The following PTPRD variants were observed in gnomAD, a reference collection of about 807,000 sequenced individuals.
PTPRD encodes the protein receptor-type tyrosine-protein phosphatase delta.
PTPRD carries 34 observed loss-of-function variants against 214.5 expected under a neutral mutation model. That is an observed-to-expected ratio of 0.16 (90% confidence interval 0.12 to 0.21). The LOEUF (loss-of-function observed/expected upper bound fraction) is 0.21. Ranked by LOEUF, PTPRD falls within the 10% of genes least tolerant of loss-of-function variation. The pLI is 1.00. For missense variants in PTPRD, 2,545 were observed against 2,398.7 expected (o/e 1.06, Z -1.27); for synonymous variants, 1,128 against 845.7 (o/e 1.33, Z -5.79).
chr9:9,750,293 A>G (rs2098504006), intron 6 of PTPRD, among the ~76,000 whole-genome samples: 1 of 152,196 alleles, frequency 6.6e-6, no homozygotes, highest in Non-Finnish European at 1.5e-5. Flanking sequence ...ACAGATTTTA[A>G]AAACTGTCTT....
At chr9:9,592,034 T>A (rs2092783921) in intron 7 of PTPRD, among the ~76,000 whole-genome samples, 1 of 152,102 alleles carries the variant, frequency 6.6e-6, no homozygotes, top group Non-Finnish European at 1.5e-5. Flanking sequence ...ATTTTTTATG[T>A]CTGATAACTT....
intron 6 of PTPRD, among the ~76,000 whole-genome samples, chr9:9,756,983 GT>G (rs2098592721): frequency 6.6e-6 from 1 of 152,100 alleles, no homozygotes; most frequent in African/African-American, 2.4e-5. Context: ...ACAAGAATGT[GT>G]TTCATAAAAT....
chr9:10,077,955 A>G (rs1318235818), intron 3 of PTPRD, among the ~76,000 whole-genome samples: 1 of 151,968 alleles, frequency 6.6e-6, no homozygotes, highest in Non-Finnish European at 1.5e-5. Context: ...TAACTTGTGG[A>G]CACCACATTC....
intron 9 of PTPRD, among the ~76,000 whole-genome samples, chr9:9,299,164 T>G (rs1954280672): frequency 6.6e-6 from 1 of 151,726 alleles, no homozygotes; most frequent in Admixed American, 6.6e-5. Context: ...AATAGCAAAT[T>G]GATTGATCAC....
intron 3 of PTPRD, among the ~76,000 whole-genome samples, chr9:10,067,651 G>C (rs1398163992): frequency 6.6e-6 from 1 of 151,840 alleles, no homozygotes; most frequent in South Asian, 2.1e-4. Context: ...TACAGGCAAA[G>C]AAGGGTAGGT....
At chr9:10,008,030 G>C (rs940416903) in intron 4 of PTPRD, among the ~76,000 whole-genome samples, 2 of 151,986 alleles carry the variant, frequency 1.3e-5, no homozygotes, top group African/African-American at 4.8e-5. Context: ...GCTATAATTT[G>C]AGGAAATATT....
At chr9:10,238,877 G>A (rs2099637620) in intron 3 of PTPRD, among the ~76,000 whole-genome samples, 1 of 151,856 alleles carries the variant, frequency 6.6e-6, no homozygotes, top group South Asian at 2.1e-4. Context: ...CTACTTCCTA[G>A]GGGAGATTTT....
chr9:8,532,760 A>G (rs769482590), intron 14 of PTPRD, among the ~76,000 whole-genome samples: 3 of 152,016 alleles, frequency 2.0e-5, no homozygotes, highest in East Asian at 3.9e-4. Flanking sequence ...AGATTACTAC[A>G]TACTTGTGCT....
At chr9:10,512,508 G>T (rs896907823) in intron 2 of PTPRD, among the ~76,000 whole-genome samples, 6 of 152,150 alleles carry the variant, frequency 3.9e-5, no homozygotes, top group Non-Finnish European at 8.8e-5. Flanking sequence ...GCGGTGGTGG[G>T]TTGGGGGGAA....
intron 2 of PTPRD, among the ~76,000 whole-genome samples, chr9:10,459,882 A>C (rs73390368): frequency 0.022 from 3,345 of 151,984 alleles, 102 homozygotes; most frequent in African/African-American, 0.068. Flanking sequence ...TTAAGAAAAG[A>C]AATTTAATAG....
chr9:9,319,470 G>T (rs572398136), intron 9 of PTPRD, among the ~76,000 whole-genome samples: 1 of 152,318 alleles, frequency 6.6e-6, no homozygotes, highest in East Asian at 1.9e-4. Flanking sequence ...AACATTTTGT[G>T]CCAAAGTGAC....
intron 2 of PTPRD, among the ~76,000 whole-genome samples, chr9:10,544,773 T>G (rs1169835047): frequency 6.6e-6 from 1 of 152,198 alleles, no homozygotes; most frequent in African/African-American, 2.4e-5. Flanking sequence ...GCCAAAGTCT[T>G]GAGTATATTT....
chr9:8,777,190 G>C (rs974603891), intron 11 of PTPRD, among the ~76,000 whole-genome samples: 4 of 151,884 alleles, frequency 2.6e-5, no homozygotes, highest in Non-Finnish European at 4.4e-5. Flanking sequence ...ATGTTGCCCA[G>C]GCTGATCTTG....
Position 8,870,687 on chromosome 9 carries a change from A to AACACACACACACACAC in PTPRD, c.-103-136757_-103-136742dup, listed in dbSNP as rs3046878. ...ACAGGGTTATAAGACACAGACATGA[A>AACACACACACACACAC]ACACACACACACACACACACACACA... On this transcript the variant is annotated intron_variant, in intron 11 of 45. Coordinates refer to ENST00000381196, the MANE Select transcript of PTPRD (RefSeq NM_002839.4). Among the ~76,000 whole-genome samples the AACACACACACACACAC allele has an allele frequency of 2.9e-3, 377 of 131,456 alleles. 5 individuals carry two copies. Among genetic ancestry groups the AACACACACACACACAC allele is most frequent in the Middle Eastern group, 8.7e-3 (2 of 230 alleles). 86.2% of individuals were successfully genotyped at this position (131,456 alleles called of 152,430 possible). A position where few individuals can be genotyped will look rare whatever the true frequency, so the allele number is the denominator to read the frequency against.
intron 7 of PTPRD, among the ~76,000 whole-genome samples, chr9:9,603,140 A>G (rs1391568949): frequency 6.6e-6 from 1 of 152,142 alleles, no homozygotes; most frequent in East Asian, 1.9e-4. Context: ...GCAATGCATA[A>G]GTGAGATAAA....
At chr9:8,493,372 A>T (rs1320864400) in intron 26 of PTPRD, among the ~76,000 whole-genome samples, 2 of 152,184 alleles carry the variant, frequency 1.3e-5, no homozygotes, top group African/African-American at 4.8e-5. Flanking sequence ...ATATCAGGTA[A>T]ACTCACAGAA....
chr9:9,281,450 C>T (rs1044702447), intron 9 of PTPRD, among the ~76,000 whole-genome samples: 1 of 151,166 alleles, frequency 6.6e-6, no homozygotes, highest in Admixed American at 6.6e-5. Context: ...TTTAACACAG[C>T]CTTGATAAAG....
intron 3 of PTPRD, among the ~76,000 whole-genome samples, chr9:10,238,644 A>G (rs1034767986): frequency 2.6e-5 from 4 of 151,948 alleles, no homozygotes; most frequent in Non-Finnish European, 5.9e-5. Flanking sequence ...AGGCTAATTA[A>G]CCTATATTCA....
chr9:8,391,861 G>C (rs2089695366), intron 36 of PTPRD, among the ~76,000 whole-genome samples: 2 of 152,076 alleles, frequency 1.3e-5, no homozygotes, highest in South Asian at 4.1e-4. Flanking sequence ...TAAAGACAGG[G>C]AATCAGACCC....
Sources: allele counts gnomAD v4.1 joint callset (sites outside exome capture counted in the v4.1 genomes callset), GRCh38; gene constraint gnomAD v4.1.1; transcripts MANE v1.5; gene names NCBI Gene and HGNC (gene_info 2026-07-23, HGNC 2026-07-21).